Variants in SCAMP1 observed in about 807,000 individuals in gnomAD.
The protein encoded by SCAMP1 is secretory carrier-associated membrane protein 1.
SCAMP1 carries 15 observed loss-of-function variants against 41.8 expected under a neutral mutation model. That is an observed-to-expected ratio of 0.36 (90% CI 0.24 to 0.55). The LOEUF (loss-of-function observed/expected upper bound fraction) is 0.55, where lower values mean the gene tolerates loss of function less well. Ranked by LOEUF, SCAMP1 falls within the 20% of genes least tolerant of loss-of-function variation. The pLI, the probability that SCAMP1 is intolerant of heterozygous loss-of-function variation, is 0.86. For synonymous variants in SCAMP1, 135 were observed against 136.8 expected (o/e 0.99, Z 0.09); for missense variants, 341 against 412.6 (o/e 0.83, Z 1.50).
chr5:78,474,454 C>G (rs1187905485), intron 8 of SCAMP1, among the ~76,000 whole-genome samples: 6 of 152,174 alleles, frequency 3.9e-5, no homozygotes, highest in African/African-American at 1.4e-4. Flanking sequence ...AACTTATCAT[C>G]TGCCTTCTCC....
intron 2 of SCAMP1, among the ~76,000 whole-genome samples, chr5:78,404,336 G>A (rs948696678): frequency 6.6e-6 from 1 of 151,688 alleles, no homozygotes. Context: ...TTTTAGAGAC[G>A]GGGTCTCACT....
At chr5:78,464,886 C>T (rs1031197048) in intron 8 of SCAMP1, among the ~76,000 whole-genome samples, 3 of 152,174 alleles carry the variant, frequency 2.0e-5, no homozygotes, top group African/African-American at 7.2e-5. Flanking sequence ...CTAATGGTGA[C>T]GTCTCACAGC....
At chr5:78,442,415 T>C (rs539946125) in intron 6 of SCAMP1, among the ~76,000 whole-genome samples, 2 of 152,108 alleles carry the variant, frequency 1.3e-5, no homozygotes, top group African/African-American at 4.8e-5. Flanking sequence ...TCCACAACCA[T>C]GCCTGGTTAA....
rs191935411 is a variant in SCAMP1 at position 78,474,798 on chromosome 5, G to A, written c.853-706G>A. Among the ~76,000 whole-genome samples, 6 of 152,268 alleles carry A rather than the reference G, an allele frequency of 3.9e-5. No individual in the cohort carries two copies. The East Asian group carries it at 1.2e-3, about 29-fold the overall frequency. ...TGTTAAAATAAGTGGCTGATGTTAT[G>A]TATTGATGGACTCATAGTTTAATTA... On this transcript the variant is annotated intron_variant, in intron 8 of 8. Coordinates refer to ENST00000621999, the MANE Select transcript of SCAMP1 (RefSeq NM_004866.6).
chr5:78,399,356 A>G (rs1415757568), intron 2 of SCAMP1, among the ~76,000 whole-genome samples: 1 of 152,236 alleles, frequency 6.6e-6, no homozygotes. Flanking sequence ...TGACTGGACC[A>G]TATGGTAACA....
At chr5:78,471,882 C>T (rs969325848) in intron 8 of SCAMP1, among the ~76,000 whole-genome samples, 2 of 152,038 alleles carry the variant, frequency 1.3e-5, no homozygotes, top group African/African-American at 4.8e-5. Flanking sequence ...GGGAAGCAGA[C>T]TTGAAGTTTT....
intron 2 of SCAMP1, among the ~76,000 whole-genome samples, chr5:78,404,356 AGCCTGGTCTCAAAC>A (rs1370495968): frequency 3.3e-5 from 5 of 151,112 alleles, no homozygotes; most frequent in Non-Finnish European, 4.4e-5. Context: ...TATATTGCCC[AGCCTGGTCTCAAAC>A]GCCTGGGCTC....
intron 1 of SCAMP1, among the ~76,000 whole-genome samples, chr5:78,374,923 G>T (rs1751028936): frequency 2.0e-5 from 3 of 151,946 alleles, no homozygotes; most frequent in South Asian, 4.1e-4. Flanking sequence ...TAAAAGTTTC[G>T]CTAAATACAC....
intron 1 of SCAMP1, among the ~76,000 whole-genome samples, chr5:78,388,608 G>A (rs1751406873): frequency 6.6e-6 from 1 of 152,190 alleles, no homozygotes; most frequent in Non-Finnish European, 1.5e-5. Flanking sequence ...GCTTGCAGCT[G>A]ATTTGAATCT....
At chr5:78,448,224 G>T in intron 6 of SCAMP1, among the ~76,000 whole-genome samples, 1 of 136,306 alleles carries the variant, frequency 7.3e-6, no homozygotes. Context: ...AAAGATGGGT[G>T]TGTCACCATG....
chr5:78,363,696 T>G (rs536380768), intron 1 of SCAMP1, among the ~76,000 whole-genome samples: 2 of 152,362 alleles, frequency 1.3e-5, no homozygotes, highest in East Asian at 3.9e-4. Flanking sequence ...TCTGCAAGCA[T>G]CTTCGTTTGT....
intron 2 of SCAMP1, among the ~76,000 whole-genome samples, chr5:78,406,938 ACT>A (rs147992418): frequency 1.3e-5 from 2 of 152,128 alleles, no homozygotes; most frequent in Non-Finnish European, 2.9e-5. Flanking sequence ...AACTCTGCAC[ACT>A]CTGCTTTTCT....
intron 6 of SCAMP1, among the ~76,000 whole-genome samples, chr5:78,423,293 A>G (rs1162266021): frequency 1.3e-5 from 2 of 152,204 alleles, no homozygotes; most frequent in African/African-American, 4.8e-5. Context: ...TTGCCAAGGA[A>G]CGGGGAGAGC....
rs556492536 is a variant in SCAMP1 at position 78,433,148 on chromosome 5, A to C, written c.632+11188A>C. 4.6e-5 allele frequency among the ~76,000 whole-genome samples: 7 copies of C among 152,198 alleles called. No individual in the cohort carries two copies. In the South Asian group the frequency reaches 1.2e-3, roughly 27 times the overall value. On this transcript the variant is annotated intron_variant, in intron 6 of 8. Transcript: ENST00000621999. ...CTCATGCATGTTGGCCACCTTTTTG[A>C]CTAGAGTCTAAGAACATATTAGTCA...
In SCAMP1 at chr5:78,379,319, CTTAA is replaced by C. The variant is rs144698286; in HGVS notation, c.58-9515_58-9512del. On this transcript the variant is annotated intron_variant, in intron 1 of 8. Coordinates refer to ENST00000621999, the MANE Select transcript of SCAMP1 (RefSeq NM_004866.6). ...TAGGCGTCAATATCATTTATCGTTA[CTTAA>C]TTCTTTTTCAGTTTTGTTGTCTTCT... is the stretch of plus-strand genomic sequence containing the variant. 5.4e-3 allele frequency among the ~76,000 whole-genome samples: 830 copies of C among 152,316 alleles called. 11 individuals carry two copies. The highest frequency in any genetic ancestry group is 0.019 in the African/African-American group (790 of 41,580).
intron 1 of SCAMP1, among the ~76,000 whole-genome samples, chr5:78,368,850 G>A (rs529577387): frequency 2.3e-4 from 35 of 152,152 alleles, no homozygotes; most frequent in African/African-American, 8.4e-4. Context: ...TTTAGAAAAA[G>A]AATCTAAGGT....
intron 1 of SCAMP1, among the ~76,000 whole-genome samples, chr5:78,376,892 G>A (rs979265405): frequency 6.6e-6 from 1 of 152,136 alleles, no homozygotes; most frequent in Non-Finnish European, 1.5e-5. Context: ...GAAATGTGAG[G>A]TATCTTGCTG....
At chr5:78,429,616 A>G (rs916466073) in intron 6 of SCAMP1, among the ~76,000 whole-genome samples, 4 of 151,932 alleles carry the variant, frequency 2.6e-5, no homozygotes, top group African/African-American at 9.7e-5. Flanking sequence ...TTTCCAAGAG[A>G]GTTGCAGGGA....
rs149791974 is a variant in SCAMP1 at position 78,386,454 on chromosome 5, G to A, written c.58-2383G>A. ...AGCATTTAAGCCATTTACAATCAACGTTATTATTGAGATGTGAGGTACTGT... is the reference window on the plus strand; with the variant it reads ...AGCATTTAAGCCATTTACAATCAACATTATTATTGAGATGTGAGGTACTGT... On this transcript the variant is annotated intron_variant, in intron 1 of 8. Coordinates refer to ENST00000621999, the MANE Select transcript of SCAMP1 (RefSeq NM_004866.6). Among the ~76,000 whole-genome samples, 726 of 151,732 alleles carry A rather than the reference G, an allele frequency of 4.8e-3. 7 individuals are homozygous for A. Among genetic ancestry groups the A allele is most frequent in the African/African-American group, 0.017 (689 of 41,404 alleles).
Sources: allele counts gnomAD v4.1 joint callset (sites outside exome capture counted in the v4.1 genomes callset), GRCh38; gene constraint gnomAD v4.1.1; transcripts MANE v1.5; gene names NCBI Gene and HGNC (gene_info 2026-07-23, HGNC 2026-07-21).